Variants in ADARB2 observed in about 807,000 individuals in gnomAD.
ADARB2 encodes inactive double-stranded RNA-specific editase B2.
Under a neutral mutation model 62.2 loss-of-function variants are expected in ADARB2, and 25 were observed. The observed-to-expected ratio is 0.40, with a 90% CI of 0.29 to 0.56. The LOEUF is 0.56. Among genes scored for constraint, ADARB2 ranks in the 20% least tolerant of loss-of-function variants. The pLI is 0.43. For missense variants in ADARB2, 1,071 were observed against 1,077.4 expected (o/e 0.99, Z 0.08); for synonymous variants, 572 against 500.8 (o/e 1.14, Z -1.90).
At chr10:1,702,438 T>TC (rs1218166435) in intron 1 of ADARB2, among the ~76,000 whole-genome samples, 1 of 152,194 alleles carries the variant, frequency 6.6e-6, no homozygotes, top group Non-Finnish European at 1.5e-5. Flanking sequence ...CCCTTGACTC[T>TC]TCCTCTCTCT....
At chr10:1,428,988 G>A (rs112647325) in intron 1 of ADARB2, among the ~76,000 whole-genome samples, 191 of 151,792 alleles carry the variant, frequency 1.3e-3, no homozygotes, top group African/African-American at 4.1e-3. Flanking sequence ...GTGGGTGGAG[G>A]GCACCAGTGT....
intron 3 of ADARB2, among the ~76,000 whole-genome samples, chr10:1,344,931 T>G (rs1011316553): frequency 1.3e-5 from 2 of 152,202 alleles, no homozygotes; most frequent in Admixed American, 6.5e-5. Context: ...CCGTGCATAA[T>G]GTCCTCCCCG....
chr10:1,642,255 T>C (rs1040148275), intron 1 of ADARB2, among the ~76,000 whole-genome samples: 1 of 147,656 alleles, frequency 6.8e-6, no homozygotes, highest in Non-Finnish European at 1.5e-5. Flanking sequence ...ACTCAAAGCA[T>C]TGCTTGCCAC....
At chr10:1,310,479 A>G (rs1476066733) in intron 3 of ADARB2, among the ~76,000 whole-genome samples, 1 of 152,236 alleles carries the variant, frequency 6.6e-6, no homozygotes, top group African/African-American at 2.4e-5. Context: ...AAGAGATAAG[A>G]ATCCATCTAA....
At chr10:1,583,766 G>C (rs534108560) in intron 1 of ADARB2, among the ~76,000 whole-genome samples, 1 of 152,300 alleles carries the variant, frequency 6.6e-6, no homozygotes, top group South Asian at 2.1e-4. Flanking sequence ...AAAAGGCCCA[G>C]AGTAGCCAAT....
At chr10:1,614,529 C>T (rs1833606397) in intron 1 of ADARB2, among the ~76,000 whole-genome samples, 1 of 152,176 alleles carries the variant, frequency 6.6e-6, no homozygotes, top group African/African-American at 2.4e-5. Flanking sequence ...GATGAGTTCC[C>T]ATCCCATACA....
intron 1 of ADARB2, among the ~76,000 whole-genome samples, chr10:1,528,003 CTG>C (rs1308817970): frequency 6.6e-6 from 1 of 152,200 alleles, no homozygotes; most frequent in African/African-American, 2.4e-5. Flanking sequence ...GCTGATATAT[CTG>C]TGCAGTAAGA....
chr10:1,533,969 G>C (rs1403699770), intron 1 of ADARB2, among the ~76,000 whole-genome samples: 1 of 143,738 alleles, frequency 7.0e-6, no homozygotes, highest in East Asian at 2.4e-4. Flanking sequence ...ATAATTACAG[G>C]ATTTTAATTA....
intron 1 of ADARB2, among the ~76,000 whole-genome samples, chr10:1,518,286 C>T (rs1205136877): frequency 2.0e-5 from 3 of 152,186 alleles, no homozygotes; most frequent in Non-Finnish European, 4.4e-5. Context: ...CGTTCTCATG[C>T]CAGAACCCCC....
At chr10:1,599,917 A>T (rs1454469319) in intron 1 of ADARB2, among the ~76,000 whole-genome samples, 5 of 151,542 alleles carry the variant, frequency 3.3e-5, no homozygotes, top group African/African-American at 1.2e-4. Flanking sequence ...TAATTTTTGT[A>T]TTTTTTTTCT....
chr10:1,276,533 T>C (rs1345959744), intron 3 of ADARB2, among the ~76,000 whole-genome samples: 1 of 152,174 alleles, frequency 6.6e-6, no homozygotes, highest in African/African-American at 2.4e-5. Context: ...TTTGTCAATT[T>C]TGGCTTTCGT....
chr10:1,662,635 T>C (rs1834264789), intron 1 of ADARB2, among the ~76,000 whole-genome samples: 2 of 152,226 alleles, frequency 1.3e-5, no homozygotes. Context: ...CTGTCAAATC[T>C]GGGTGAGGCT....
At chr10:1,393,142 C>T (rs957483704) in intron 1 of ADARB2, among the ~76,000 whole-genome samples, 1 of 152,198 alleles carries the variant, frequency 6.6e-6, no homozygotes, top group Non-Finnish European at 1.5e-5. Context: ...CAAATTTGAG[C>T]TATTGGTGGA....
chr10:1,652,662 T>G (rs1834125786), intron 1 of ADARB2, among the ~76,000 whole-genome samples: 1 of 152,250 alleles, frequency 6.6e-6, no homozygotes, highest in South Asian at 2.1e-4. Flanking sequence ...TTGGTTTGTG[T>G]TGACCTTTTC....
intron 1 of ADARB2, among the ~76,000 whole-genome samples, chr10:1,495,311 A>C (rs1296771767): frequency 2.6e-5 from 4 of 152,254 alleles, no homozygotes; most frequent in African/African-American, 9.6e-5. Flanking sequence ...TATCAAATAC[A>C]TGCAAGGTAT....
At chr10:1,532,825 G>A (rs1258909568) in intron 1 of ADARB2, among the ~76,000 whole-genome samples, 2 of 152,186 alleles carry the variant, frequency 1.3e-5, no homozygotes, top group Non-Finnish European at 2.9e-5. Flanking sequence ...GCAGGTGCCC[G>A]CAGGCGAGGT....
rs749156008 is a variant in ADARB2, at chr10:1,200,225, T to C, written c.1683-78A>G. On this transcript the variant is annotated intron_variant, in intron 7 of 9. Coordinates refer to ENST00000381312, the MANE Select transcript of ADARB2 (RefSeq NM_018702.4). ...TGGTCCTCTCTGTCCGTCTGCGGCC[T>C]GGTCCTGAGGACCTGTCAGTCTTCC... 77 of 1,535,214 alleles carry C rather than the reference T, an allele frequency of 5.0e-5. No individual in the cohort carries two copies. In the East Asian group the frequency reaches 1.9e-3, roughly 37 times the overall value.
chr10:1,312,484 T>C (rs1831701082), intron 3 of ADARB2, among the ~76,000 whole-genome samples: 1 of 152,224 alleles, frequency 6.6e-6, no homozygotes, highest in South Asian at 2.1e-4. Flanking sequence ...AAAGACCACC[T>C]GAAGTTCCCT....
In ADARB2 at chr10:1,604,113, ATATCTATC is replaced by A. The variant is rs554856777; in HGVS notation, c.100+132930_100+132937del. Among the ~76,000 whole-genome samples, 765 of 152,168 alleles carry A rather than the reference ATATCTATC, an allele frequency of 5.0e-3. 9 individuals carry two copies. Among genetic ancestry groups the A allele is most frequent in the Middle Eastern group, 0.02 (6 of 294 alleles). On this transcript the variant is annotated intron_variant, in intron 1 of 9. Coordinates refer to ENST00000381312, the MANE Select transcript of ADARB2 (RefSeq NM_018702.4). The stretch of plus-strand genomic sequence containing the variant: ...AGCCACTGCCTCTGGCCAATATTTT[ATATCTATC>A]TATCTATCTAGTCAATACTCAGTCA...
Sources: allele counts gnomAD v4.1 joint callset (sites outside exome capture counted in the v4.1 genomes callset), GRCh38; gene constraint gnomAD v4.1.1; transcripts MANE v1.5; gene names NCBI Gene and HGNC (gene_info 2026-07-23, HGNC 2026-07-21).